SORCS1: variants seen among roughly 807,000 people sequenced by gnomAD.
SORCS1 encodes sortilin related VPS10 domain containing receptor 1.
Under a neutral mutation model 146.1 loss-of-function variants are expected in SORCS1, and 60 were observed. That is an observed-to-expected ratio of 0.41 (90% CI 0.33 to 0.51). The LOEUF (loss-of-function observed/expected upper bound fraction) is 0.51. SORCS1 is among the 20% of genes least tolerant of loss of function. The pLI, the probability that SORCS1 is intolerant of heterozygous loss-of-function variation, is 0.21. For synonymous variants in SORCS1, 637 were observed against 584.0 expected, an observed-to-expected ratio of 1.09 and a Z score of -1.31; for missense variants, 1,352 against 1,487.6, an observed-to-expected ratio of 0.91 and a Z score of 1.50.
chr10:107,030,398 A>C (rs904466618), intron 1 of SORCS1, among the ~76,000 whole-genome samples: 1 of 152,178 alleles, frequency 6.6e-6, no homozygotes. Flanking sequence ...TCTGAGGTCA[A>C]TTTGTAAACC....
At chr10:106,843,727 A>G (rs576703243) in intron 2 of SORCS1, among the ~76,000 whole-genome samples, 103 of 152,162 alleles carry the variant, frequency 6.8e-4, no homozygotes, top group Non-Finnish European at 1.2e-3. Context: ...GAGCCACTGC[A>G]CCCAGACAAG....
At chr10:107,148,503 C>T (rs535249561) in intron 1 of SORCS1, among the ~76,000 whole-genome samples, 1 of 152,170 alleles carries the variant, frequency 6.6e-6, no homozygotes, top group East Asian at 1.9e-4. Context: ...GGCTTGTGGG[C>T]CATAAAAAAC....
At position 106,774,426 on chromosome 10, in the gene SORCS1, AGTGTGTGTGTGTGTGT is replaced by A. The variant is rs3045083; in HGVS notation, c.885+2092_885+2107del. On this transcript the variant is annotated intron_variant, in intron 4 of 25. Transcript: ENST00000263054. ...AAAAATAATAAGGATTAGGTTCCAA[AGTGTGTGTGTGTGTGT>A]GTGTGTGTGTGTGTGTAAATTATAA... 2.8e-4 allele frequency among the ~76,000 whole-genome samples: 41 copies of A among 147,732 alleles called. No individual in the cohort carries two copies. The South Asian group carries it at 8.4e-3, about 30-fold the overall frequency.
At chr10:106,970,981 C>T (rs1188974471) in intron 1 of SORCS1, among the ~76,000 whole-genome samples, 2 of 149,504 alleles carry the variant, frequency 1.3e-5, no homozygotes, top group Non-Finnish European at 3.0e-5. Flanking sequence ...AACTCCTGAC[C>T]TCAGGTGGTC....
At chr10:106,648,108 C>T (rs1849586660) in intron 18 of SORCS1, among the ~76,000 whole-genome samples, 1 of 152,082 alleles carries the variant, frequency 6.6e-6, no homozygotes, top group African/African-American at 2.4e-5. Context: ...ATGATCCTCC[C>T]ACCTTGGCCT....
At chr10:106,739,941 A>G (rs1404271617) in intron 5 of SORCS1, among the ~76,000 whole-genome samples, 2 of 146,002 alleles carry the variant, frequency 1.4e-5, no homozygotes, top group Non-Finnish European at 3.0e-5. Context: ...ACAGAGTGAG[A>G]CTCTGTCTCA....
At chr10:107,131,767 C>G (rs1177913110) in intron 1 of SORCS1, among the ~76,000 whole-genome samples, 2 of 152,198 alleles carry the variant, frequency 1.3e-5, no homozygotes, top group East Asian at 3.9e-4. Context: ...TAGGCAGAGT[C>G]TGCTACACAG....
At chr10:106,745,187 G>A (rs1175918001) in intron 5 of SORCS1, among the ~76,000 whole-genome samples, 1 of 152,074 alleles carries the variant, frequency 6.6e-6, no homozygotes, top group Non-Finnish European at 1.5e-5. Flanking sequence ...GGGAGGCCGG[G>A]CAGACCAAGA....
At chr10:106,855,343 G>T (rs931760046) in intron 2 of SORCS1, among the ~76,000 whole-genome samples, 1 of 151,984 alleles carries the variant, frequency 6.6e-6, no homozygotes, top group Non-Finnish European at 1.5e-5. Context: ...TACCTATGTG[G>T]GGTTATGATG....
intron 5 of SORCS1, among the ~76,000 whole-genome samples, chr10:106,750,374 T>C (rs1483604467): frequency 6.6e-6 from 1 of 152,066 alleles, no homozygotes; most frequent in Non-Finnish European, 1.5e-5. Context: ...GGGCTCACAC[T>C]GCAGAAGGGG....
intron 2 of SORCS1, among the ~76,000 whole-genome samples, chr10:106,830,323 A>G (rs988454197): frequency 5.9e-5 from 9 of 152,286 alleles, no homozygotes; most frequent in African/African-American, 2.2e-4. Context: ...ATTCACTCGG[A>G]TTAAATAAAT....
At chr10:106,774,231 C>T (rs973291202) in intron 4 of SORCS1, among the ~76,000 whole-genome samples, 3 of 152,170 alleles carry the variant, frequency 2.0e-5, no homozygotes, top group Non-Finnish European at 4.4e-5. Flanking sequence ...ATCATCCCAA[C>T]TGGTCTTGTT....
chr10:106,663,249 T>A (rs1490909521), intron 17 of SORCS1, among the ~76,000 whole-genome samples: 1 of 152,132 alleles, frequency 6.6e-6, no homozygotes, highest in African/African-American at 2.4e-5. Context: ...TTAAGACATA[T>A]TTTTGAATGA....
chr10:107,095,107 A>G (rs778381538), intron 1 of SORCS1, among the ~76,000 whole-genome samples: 2 of 152,172 alleles, frequency 1.3e-5, no homozygotes, highest in Non-Finnish European at 2.9e-5. Context: ...CAAGAGGTGA[A>G]GTGACTGTGG....
intron 2 of SORCS1, among the ~76,000 whole-genome samples, chr10:106,839,005 T>G (rs574081910): frequency 1.1e-3 from 170 of 152,278 alleles, no homozygotes; most frequent in Non-Finnish European, 1.8e-3. Flanking sequence ...CAACCAGCTA[T>G]TCCCTATCCC....
intron 18 of SORCS1, among the ~76,000 whole-genome samples, chr10:106,631,137 A>C (rs917680473): frequency 1.3e-5 from 2 of 152,246 alleles, no homozygotes; most frequent in African/African-American, 4.8e-5. Flanking sequence ...AAAGAAAAGC[A>C]GTTCAAATCC....
At position 106,744,083 on chromosome 10, in the gene SORCS1, C is replaced by T. The variant is rs565066680; in HGVS notation, c.960-13969G>A. On this transcript the variant is annotated intron_variant, in intron 5 of 25. Transcript: ENST00000263054. ...TCTGATCACAGAGTATTGGTAATAT[C>T]TATCGTTTTACTTTTATTTATTTAT... Among the ~76,000 whole-genome samples the T allele has an allele frequency of 1.1e-3, 172 of 152,156 alleles. 1 individual carries two copies. The highest frequency in any genetic ancestry group is 4.1e-3 in the African/African-American group (169 of 41,510).
intron 4 of SORCS1, among the ~76,000 whole-genome samples, chr10:106,770,971 T>C (rs1211515772): frequency 6.6e-6 from 1 of 152,234 alleles, no homozygotes; most frequent in Middle Eastern, 3.2e-3. Flanking sequence ...CTGCTCCTGG[T>C]AAGGGGCAGC....
intron 8 of SORCS1, among the ~76,000 whole-genome samples, chr10:106,704,168 A>T (rs1428064977): frequency 6.6e-6 from 1 of 152,160 alleles, no homozygotes; most frequent in Non-Finnish European, 1.5e-5. Flanking sequence ...TTGATTTTAA[A>T]CTATGATTTC....
Sources: gnomAD v4.1 joint callset for allele counts (sites outside exome capture counted in the v4.1 genomes callset) on GRCh38, gnomAD v4.1.1 for gene constraint, MANE v1.5 for transcripts, NCBI Gene and HGNC (gene_info 2026-07-23, HGNC 2026-07-21) for gene names.